Variants in LRP1B observed in about 807,000 individuals in gnomAD.
LRP1B encodes the protein LDL receptor related protein 1B, also known as low-density lipoprotein receptor-related protein 1B.
LRP1B carries 217 observed loss-of-function variants against 556.6 expected under a neutral mutation model. The ratio of observed to expected loss-of-function variants is 0.39; its 90% CI spans 0.35 to 0.44. The LOEUF (loss-of-function observed/expected upper bound fraction) is 0.44. Among genes scored for constraint, LRP1B ranks in the 20% least tolerant of loss-of-function variants. The pLI, the probability that LRP1B is intolerant of heterozygous loss-of-function variation, is 1.00. For synonymous variants in LRP1B, 2,047 were observed against 1,865.8 expected, an observed-to-expected ratio of 1.10 and a Z score of -2.50; for missense variants, 5,053 against 5,620.8, an observed-to-expected ratio of 0.90 and a Z score of 3.23.
At chr2:141,751,797 G>T (rs1238345782) in intron 2 of LRP1B, among the ~76,000 whole-genome samples, 1 of 150,264 alleles carries the variant, frequency 6.7e-6, no homozygotes, top group East Asian at 1.9e-4. Flanking sequence ...TCTAAGCATG[G>T]TATTTTCATA....
intron 1 of LRP1B, among the ~76,000 whole-genome samples, chr2:141,875,571 T>G (rs761053849): frequency 6.6e-5 from 10 of 152,004 alleles, no homozygotes; most frequent in Non-Finnish European, 1.2e-4. Flanking sequence ...ATATTTTCAT[T>G]ACATTAATAA....
chr2:140,524,974 A>G (rs1690368516), intron 49 of LRP1B, among the ~76,000 whole-genome samples: 1 of 151,958 alleles, frequency 6.6e-6, no homozygotes, highest in Admixed American at 6.6e-5. Context: ...TACATGATAA[A>G]AGAACCATCA....
At chr2:141,003,973 T>A (rs1377134135) in intron 15 of LRP1B, among the ~76,000 whole-genome samples, 4 of 152,102 alleles carry the variant, frequency 2.6e-5, no homozygotes, top group African/African-American at 9.7e-5. Context: ...GCATTGTAAG[T>A]GGATTTTTTC....
At chr2:140,381,471 A>T (rs555738797) in intron 67 of LRP1B, among the ~76,000 whole-genome samples, 1 of 152,286 alleles carries the variant, frequency 6.6e-6, no homozygotes, top group Admixed American at 6.5e-5. Flanking sequence ...CAGGTTTTCC[A>T]TAAACCTCAT....
chr2:141,573,652 A>G (rs1490622962), intron 2 of LRP1B, among the ~76,000 whole-genome samples: 1 of 151,678 alleles, frequency 6.6e-6, no homozygotes, highest in Admixed American at 6.6e-5. Context: ...AAAAAAAATC[A>G]ATGAATCCAA....
At chr2:141,768,353 A>G (rs1418922138) in intron 2 of LRP1B, among the ~76,000 whole-genome samples, 1 of 149,456 alleles carries the variant, frequency 6.7e-6, no homozygotes, top group African/African-American at 2.5e-5. Context: ...TCTCAATATT[A>G]TATCTCATTA....
chr2:141,827,315 A>AT (rs1251185498), intron 1 of LRP1B, among the ~76,000 whole-genome samples: 4 of 152,226 alleles, frequency 2.6e-5, no homozygotes, highest in African/African-American at 7.2e-5. Flanking sequence ...TAAATGTCTA[A>AT]TAGAGTTTTA....
At chr2:141,993,010 T>C (rs1395720752) in intron 1 of LRP1B, among the ~76,000 whole-genome samples, 3 of 152,094 alleles carry the variant, frequency 2.0e-5, no homozygotes, top group African/African-American at 7.2e-5. Flanking sequence ...TTAATCAAAA[T>C]AGTATTTTCA....
chr2:141,032,137 A>T (rs895056501), intron 11 of LRP1B, among the ~76,000 whole-genome samples: 22 of 152,076 alleles, frequency 1.4e-4, no homozygotes, highest in African/African-American at 3.9e-4. Flanking sequence ...ACTTGCAAAA[A>T]TAGGATCATT....
chr2:140,457,665 TG>T lies in LRP1B; in HGVS notation c.9626-15del. On this transcript the variant is annotated splice_polypyrimidine_tract_variant and intron_variant, in intron 60 of 90. Transcript: ENST00000389484. ...CTTGATTAGGGACTGTAATAGGAGATGGTAAGATTAATGTTCAGTCTTGGAA... is the reference window on the plus strand; with the variant it reads ...CTTGATTAGGGACTGTAATAGGAGATGTAAGATTAATGTTCAGTCTTGGAA... 1 of 1,601,930 alleles carries T rather than the reference TG, an allele frequency of 6.2e-7. No individual in the cohort carries two copies.
intron 5 of LRP1B, 23 bp downstream of exon 5, chr2:141,247,203 A>G (rs749889240): frequency 6.2e-7 from 1 of 1,613,000 alleles, no homozygotes; most frequent in Admixed American, 1.7e-5. Context: ...TGGAAAGACA[A>G]AAAATAAATG....
intron 2 of LRP1B, among the ~76,000 whole-genome samples, chr2:141,496,438 T>C (rs1474698511): frequency 6.6e-6 from 1 of 152,060 alleles, no homozygotes; most frequent in Non-Finnish European, 1.5e-5. Flanking sequence ...TTAATTAAAG[T>C]GTAACGTTCT....
intron 29 of LRP1B, among the ~76,000 whole-genome samples, chr2:140,847,065 T>C (rs954320525): frequency 6.6e-6 from 1 of 152,242 alleles, no homozygotes; most frequent in African/African-American, 2.4e-5. Context: ...CTTTATGTTC[T>C]TACTCTTTGA....
In LRP1B at chr2:140,514,791, G is replaced by C; in HGVS notation, c.8150-19C>G. On this transcript the variant is annotated intron_variant, in intron 50 of 90. Transcript: ENST00000389484. ...GAAGAATCTAGGAAACAAACAAAAG[G>C]AAAAAAAAAAATAGTTTGAGACCGT... 7.9e-7 allele frequency: 1 copy of C among 1,260,130 alleles called. No homozygotes were observed. Among genetic ancestry groups the C allele is most frequent in the Non-Finnish European group, 1.1e-6 (1 of 919,800 alleles). The allele number at this position is 1,260,130 out of a possible 1,614,324, so 78.1% of individuals were successfully genotyped here.
intron 85 of LRP1B, 97 bp downstream of exon 85, chr2:140,274,327 A>T (rs1171141440): frequency 1.4e-5 from 16 of 1,114,708 alleles, no homozygotes; most frequent in Admixed American, 2.1e-5. Context: ...GAATTTTAGA[A>T]TAAAAACAAT....
chr2:140,743,542 A>G (rs993281015), intron 35 of LRP1B, among the ~76,000 whole-genome samples: 8 of 152,328 alleles, frequency 5.3e-5, no homozygotes, highest in Middle Eastern at 3.4e-3. Context: ...AACAGGAATA[A>G]TAATAGCACC....
intron 3 of LRP1B, among the ~76,000 whole-genome samples, chr2:141,264,389 A>C (rs1684810328): frequency 6.6e-6 from 1 of 152,200 alleles, no homozygotes; most frequent in South Asian, 2.1e-4. Flanking sequence ...AATAAGGTGG[A>C]AGCTGTGGAC....
chr2:141,292,036 G>C (rs954268530), intron 3 of LRP1B, among the ~76,000 whole-genome samples: 9 of 152,172 alleles, frequency 5.9e-5, no homozygotes, highest in African/African-American at 1.9e-4. Flanking sequence ...ACGAGGCTGC[G>C]CAGCAGCAGG....
chr2:140,713,264 C>T (rs1244639116), intron 37 of LRP1B, among the ~76,000 whole-genome samples: 2 of 151,968 alleles, frequency 1.3e-5, no homozygotes, highest in African/African-American at 4.8e-5. Flanking sequence ...ATTCTCTTCC[C>T]TCTCTCCAAA....
Sources: gnomAD v4.1 joint callset for allele counts (sites outside exome capture counted in the v4.1 genomes callset) on GRCh38, gnomAD v4.1.1 for gene constraint, MANE v1.5 for transcripts, NCBI Gene and HGNC (gene_info 2026-07-23, HGNC 2026-07-21) for gene names.